The following KCNQ3 variants were observed in gnomAD, a reference collection of about 807,000 sequenced individuals.
The protein encoded by KCNQ3 is potassium voltage-gated channel subfamily KQT member 3.
Under a neutral mutation model 92.5 loss-of-function variants are expected in KCNQ3, and 30 were observed. The ratio of observed to expected loss-of-function variants is 0.32; its 90% CI spans 0.24 to 0.44. The LOEUF (loss-of-function observed/expected upper bound fraction) is 0.44, where lower values mean the gene tolerates loss of function less well. Among genes scored for constraint, KCNQ3 ranks in the 20% least tolerant of loss-of-function variants. The probability of loss-of-function intolerance (pLI) is 1.00; values close to 1 mark genes in which losing one functional copy is unlikely to be tolerated. For synonymous variants in KCNQ3, 450 were observed against 468.8 expected (o/e 0.96, Z 0.52); for missense variants, 913 against 1,140.3 (o/e 0.80, Z 2.87).
chr8:132,354,684 T>C (rs78042888), intron 1 of KCNQ3, among the ~76,000 whole-genome samples: 4,439 of 152,314 alleles, frequency 0.029, 230 homozygotes, highest in African/African-American at 0.1. Context: ...TTATTGCCTC[T>C]AAGATGTTCC....
At chr8:132,273,918 T>A (rs1816243558) in intron 1 of KCNQ3, among the ~76,000 whole-genome samples, 1 of 152,180 alleles carries the variant, frequency 6.6e-6, no homozygotes, top group African/African-American at 2.4e-5. Flanking sequence ...TGGATTTCAT[T>A]GTCCATATCA....
intron 1 of KCNQ3, among the ~76,000 whole-genome samples, chr8:132,376,602 A>G (rs1819616312): frequency 6.6e-6 from 1 of 152,236 alleles, no homozygotes; most frequent in Non-Finnish European, 1.5e-5. Context: ...TTTTGTGCAT[A>G]TGACTGTCCA....
chr8:132,235,695 A>G lies in KCNQ3; in HGVS notation c.387-49514T>C, dbSNP rs564422695. Among the ~76,000 whole-genome samples, 18 of 152,318 alleles carry G rather than the reference A, an allele frequency of 1.2e-4. No individual in the cohort carries two copies. In the East Asian group the frequency reaches 2.7e-3, roughly 23 times the overall value. On this transcript the variant is annotated intron_variant, in intron 1 of 14. Transcript: ENST00000388996. ...GTGCCAGTCATTCCCTGAACACACC[A>G]TATAACCTCCCAGGTCGGAACGTCT...
chr8:132,132,126 T>C, intron 14 of KCNQ3, 54 bp downstream of exon 14: 6 of 1,154,234 alleles, frequency 5.2e-6, no homozygotes, highest in Non-Finnish European at 6.5e-6. Flanking sequence ...AGAAATGGCA[T>C]TTGAAAATAA....
At chr8:132,236,909 G>T (rs1016991196) in intron 1 of KCNQ3, among the ~76,000 whole-genome samples, 2 of 152,204 alleles carry the variant, frequency 1.3e-5, no homozygotes, top group African/African-American at 4.8e-5. Context: ...GCTGAGAATG[G>T]CCCCTAGCTG....
chr8:132,262,803 T>C (rs1056338433), intron 1 of KCNQ3, among the ~76,000 whole-genome samples: 4 of 152,158 alleles, frequency 2.6e-5, no homozygotes, highest in African/African-American at 7.2e-5. Context: ...CTTTGTTAGT[T>C]GGGTTTTCTG....
At chr8:132,225,604 A>G (rs750609487) in intron 1 of KCNQ3, among the ~76,000 whole-genome samples, 1 of 152,236 alleles carries the variant, frequency 6.6e-6, no homozygotes, top group Non-Finnish European at 1.5e-5. Context: ...GCAAAAGCCA[A>G]TTATGGACAC....
At chr8:132,133,682 A>C (rs1348033457) in intron 13 of KCNQ3, among the ~76,000 whole-genome samples, 1 of 152,160 alleles carries the variant, frequency 6.6e-6, no homozygotes, top group Non-Finnish European at 1.5e-5. Context: ...TGGAAGGTTC[A>C]TAATATTTCT....
chr8:132,261,252 G>A (rs1221214662), intron 1 of KCNQ3, among the ~76,000 whole-genome samples: 1 of 152,228 alleles, frequency 6.6e-6, no homozygotes, highest in Non-Finnish European at 1.5e-5. Flanking sequence ...TATGAAGACT[G>A]AGTTGCCTTC....
intron 1 of KCNQ3, among the ~76,000 whole-genome samples, chr8:132,437,792 C>G (rs1026047919): frequency 1.3e-5 from 2 of 152,206 alleles, no homozygotes; most frequent in African/African-American, 4.8e-5. Flanking sequence ...AATACCCATC[C>G]ATCTTTGAGG....
rs542519465 is a variant in KCNQ3, at chr8:132,392,127, T to C, written c.386+88020A>G. On this transcript the variant is annotated intron_variant, in intron 1 of 14. Coordinates refer to ENST00000388996, the MANE Select transcript of KCNQ3 (RefSeq NM_004519.4). ...CCGGCCTCCCCCCTGGAGAAACATA[T>C]CTGGTTACGACGTAATTCCTCTGAC... 2.6e-5 allele frequency among the ~76,000 whole-genome samples: 4 copies of C among 152,244 alleles called. No homozygotes were observed. In the East Asian group the frequency reaches 7.7e-4, roughly 29 times the overall value.
chr8:132,159,639 C>T (rs999572214), intron 9 of KCNQ3, among the ~76,000 whole-genome samples: 2 of 152,076 alleles, frequency 1.3e-5, no homozygotes, highest in Admixed American at 6.6e-5. Flanking sequence ...TGGAGAAAGT[C>T]GGCTGAGAGT....
At chr8:132,454,819 T>C (rs113605080) in intron 1 of KCNQ3, among the ~76,000 whole-genome samples, 2 of 152,298 alleles carry the variant, frequency 1.3e-5, no homozygotes, top group South Asian at 2.1e-4. Flanking sequence ...AAATGACATA[T>C]ACACATACAA....
chr8:132,236,968 G>A (rs1814836682), intron 1 of KCNQ3, among the ~76,000 whole-genome samples: 1 of 152,144 alleles, frequency 6.6e-6, no homozygotes, highest in South Asian at 2.1e-4. Flanking sequence ...ACAAAGAACT[G>A]AATTCTGCCA....
intron 1 of KCNQ3, among the ~76,000 whole-genome samples, chr8:132,247,197 T>A (rs897108900): frequency 1.3e-5 from 2 of 152,232 alleles, no homozygotes; most frequent in Admixed American, 6.5e-5. Flanking sequence ...ACTTTCTCCA[T>A]GAACTCCAAC....
intron 1 of KCNQ3, among the ~76,000 whole-genome samples, chr8:132,451,908 A>C (rs12543579): frequency 0.06 from 9,165 of 152,206 alleles, 269 homozygotes; most frequent in Middle Eastern, 0.095. Flanking sequence ...CTCAACTGGG[A>C]CAGGTCAAGA....
At chr8:132,404,037 C>T (rs952009219) in intron 1 of KCNQ3, among the ~76,000 whole-genome samples, 4 of 152,204 alleles carry the variant, frequency 2.6e-5, no homozygotes. Context: ...TGTACATCTC[C>T]ACAGACCAGC....
chr8:132,328,512 C>T (rs1586930801), intron 1 of KCNQ3, among the ~76,000 whole-genome samples: 1 of 152,240 alleles, frequency 6.6e-6, no homozygotes, highest in African/African-American at 2.4e-5. Flanking sequence ...TGAACACGCC[C>T]AAGTTACTTG....
intron 1 of KCNQ3, among the ~76,000 whole-genome samples, chr8:132,372,358 G>T (rs575787293): frequency 1.1e-4 from 17 of 152,166 alleles, no homozygotes; most frequent in African/African-American, 3.6e-4. Flanking sequence ...ATGTTCTTGG[G>T]CAATTTCCTC....
Sources: gnomAD v4.1 joint callset for allele counts (sites outside exome capture counted in the v4.1 genomes callset) on GRCh38, gnomAD v4.1.1 for gene constraint, MANE v1.5 for transcripts, NCBI Gene and HGNC (gene_info 2026-07-23, HGNC 2026-07-21) for gene names.